RTEL1: variants seen among roughly 807,000 people sequenced by gnomAD.
RTEL1 encodes the protein regulator of telomere length.
A neutral mutation model predicts 162.2 loss-of-function variants in RTEL1; 86 were observed. The observed-to-expected ratio is 0.53, with a 90% CI of 0.45 to 0.63. RTEL1 has a LOEUF of 0.63. Among genes scored for constraint, RTEL1 ranks in the 30% least tolerant of loss-of-function variants. The probability of loss-of-function intolerance (pLI) is 0.00; values close to 1 mark genes in which losing one functional copy is unlikely to be tolerated. For synonymous variants in RTEL1, 958 were observed against 717.9 expected (o/e 1.33, Z -5.35); for missense variants, 1,941 against 1,750.2 (o/e 1.11, Z -1.95).
At chr20:63,688,767 T>C in intron 21 of RTEL1, 162 bp downstream of exon 21, 1 of 677,130 alleles carries the variant, frequency 1.5e-6, no homozygotes, top group Non-Finnish European at 2.5e-6. Flanking sequence ...GTGTTGCCTC[T>C]TATCTTACAA....
rs1163126215 is a variant in RTEL1, at chr20:63,690,702, A to T, written c.2414-103A>T. 4 of 1,328,364 alleles carry T rather than the reference A, an allele frequency of 3.0e-6. No homozygotes were observed. In the East Asian group the frequency reaches 1.0e-4, roughly 34 times the overall value. 82.3% of individuals were successfully genotyped at this position (1,328,364 alleles called of 1,614,324 possible). A position where few individuals can be genotyped will look rare whatever the true frequency, so the allele number is the denominator to read the frequency against. Reference sequence around the variant, plus strand: ...AGCAGGGAGGACACCCACAGGCAGGACCCCAAGTGCTGGGACTCTCCCCCA... The same window carrying T: ...AGCAGGGAGGACACCCACAGGCAGGTCCCCAAGTGCTGGGACTCTCCCCCA... On this transcript the variant is annotated intron_variant, in intron 26 of 34. Coordinates refer to ENST00000360203, the MANE Select transcript of RTEL1 (RefSeq NM_001283009.2).
At chr20:63,684,026 G>A (rs529514132) in intron 14 of RTEL1, among the ~76,000 whole-genome samples, 13 of 121,118 alleles carry the variant, frequency 1.1e-4, no homozygotes, top group Non-Finnish European at 2.1e-4. Context: ...TTCATGACAG[G>A]TTTGGTGAAC....
chr20:63,673,918 T>C, intron 9 of RTEL1, 22 bp from the exon 10 acceptor site: 1 of 1,598,420 alleles, frequency 6.3e-7, no homozygotes, highest in African/African-American at 1.3e-5. Flanking sequence ...TCTGTGGTGA[T>C]TCGGGTGTGC....
chr20:63,688,484 C>A (rs1016536167), intron 20 of RTEL1, 44 bp from the exon 21 acceptor site: 3 of 1,605,324 alleles, frequency 1.9e-6, no homozygotes, highest in Non-Finnish European at 2.6e-6. Flanking sequence ...ATCGGATCGG[C>A]GGCGTGACCA....
intron 27 of RTEL1, among the ~76,000 whole-genome samples, chr20:63,691,248 C>G (rs1173013920): frequency 6.6e-6 from 1 of 152,216 alleles, no homozygotes; most frequent in Non-Finnish European, 1.5e-5. Flanking sequence ...TCGGGTGCCC[C>G]TGCCACTGGC....
At chr20:63,677,631 A>G (rs2090383675) in intron 10 of RTEL1, among the ~76,000 whole-genome samples, 3 of 152,178 alleles carry the variant, frequency 2.0e-5, no homozygotes, top group Admixed American at 1.3e-4. Context: ...ATAGATAAAT[A>G]AAGATAAAAC....
At chr20:63,659,977 G>A (rs2089985638) in intron 2 of RTEL1, among the ~76,000 whole-genome samples, 1 of 152,100 alleles carries the variant, frequency 6.6e-6, no homozygotes, top group East Asian at 1.9e-4. Context: ...TCACAAATAA[G>A]TTCAAGGGAA....
chr20:63,667,389 C>A (rs574187680), intron 7 of RTEL1, 80 bp from the exon 8 acceptor site: 1 of 1,126,296 alleles, frequency 8.9e-7, no homozygotes, highest in Admixed American at 1.7e-5. Flanking sequence ...GGGCTCCTTC[C>A]GGGTCAGAAG....
rs758337310 is a variant in RTEL1 at position 63,692,996 on chromosome 20, G to A, written c.2844G>A (p.Leu948=). The A allele has an allele frequency of 5.0e-6, 8 of 1,612,550 alleles. No individual in the cohort carries two copies. The highest frequency in any genetic ancestry group is 1.1e-5 in the South Asian group (1 of 91,086). Residue 948 remains leucine, a synonymous_variant, in exon 29 of 35, where the codon CTG becomes CTA. Coordinates refer to ENST00000360203, the MANE Select transcript of RTEL1 (RefSeq NM_001283009.2). ...LFAEDPKKHN[L]LQGFYQFVRP... is the part of the protein sequence containing the mutation. Reference sequence around the variant, plus strand: ...CTGAGGACCCCAAGAAGCACAACCTGCTCCAAGGTGCCCTGGCTTGCAGAG... The same window carrying A: ...CTGAGGACCCCAAGAAGCACAACCTACTCCAAGGTGCCCTGGCTTGCAGAG...
Position 63,680,573 on chromosome 20 carries a change from G to A in RTEL1, c.1136-91G>A, listed in dbSNP as rs989299358. 2.1e-5 allele frequency: 29 copies of A among 1,381,144 alleles called. 1 individual carries two copies. Among genetic ancestry groups the A allele is most frequent in the South Asian group, 2.0e-4 (17 of 83,720 alleles). The allele number at this position is 1,381,144 out of a possible 1,614,324, so 85.6% of individuals were successfully genotyped here. A position where few individuals can be genotyped will look rare whatever the true frequency, so the allele number is the denominator to read the frequency against. ...GGGCAGGAGATGGAGCTTGGCAGTC[G>A]GGCTGAGCGGGCTCATGCTGGAAGG... On this transcript the variant is annotated intron_variant, in intron 13 of 34. Coordinates refer to ENST00000360203, the MANE Select transcript of RTEL1 (RefSeq NM_001283009.2).
chr20:63,690,493 CGTG>C (rs761095134), intron 26 of RTEL1, 52 bp downstream of exon 26: 113 of 531,812 alleles, frequency 2.1e-4, no homozygotes, highest in Non-Finnish European at 3.4e-4. Context: ...GAGCGGGCGG[CGTG>C]GGGCGGGCAG....
chr20:63,679,911 A>G lies in RTEL1; in HGVS notation c.1100A>G (p.Asp367Gly), dbSNP rs1412076234. The change falls in exon 13 of 35, where the codon GAC (aspartate) becomes GGC (glycine). Residue 367 changes from aspartate (D) to glycine (G), a missense_variant. Asp to Gly is a moderately conservative substitution (Grantham distance 94, BLOSUM62 -1). Coordinates refer to ENST00000360203, the MANE Select transcript of RTEL1 (RefSeq NM_001283009.2). Reference protein sequence around the residue: ...ITFQTKGCILDSLDQIIQHLA... With the variant: ...ITFQTKGCILGSLDQIIQHLA... ...TTTCAGACCAAGGGCTGCATCCTGG[A>G]CTCGCTGGACCAGATCATCCAGCAC... 1 of 1,612,464 alleles carries G rather than the reference A, an allele frequency of 6.2e-7. No homozygotes were observed.
rs543569348 is a variant in RTEL1, at chr20:63,664,830, G to A, written c.539-1174G>A. 8.6e-4 allele frequency among the ~76,000 whole-genome samples: 131 copies of A among 152,328 alleles called. 1 individual carries two copies. Among genetic ancestry groups the A allele is most frequent in the Non-Finnish European group, 1.5e-3 (102 of 68,032 alleles). ...AGAGCTGGCACCCTTCCTGGCCTGCGTCCTGTGAGGACTCTGGTTGGGGAC... is the reference window on the plus strand; with the variant it reads ...AGAGCTGGCACCCTTCCTGGCCTGCATCCTGTGAGGACTCTGGTTGGGGAC... On this transcript the variant is annotated intron_variant, in intron 6 of 34. Transcript: ENST00000360203.
chr20:63,683,447 G>A (rs1380076139), intron 14 of RTEL1, among the ~76,000 whole-genome samples: 1 of 152,218 alleles, frequency 6.6e-6, no homozygotes, highest in African/African-American at 2.4e-5. Context: ...AGGAAGGAAG[G>A]AACGGAAGGA....
intron 12 of RTEL1, 67 bp from the exon 13 acceptor site, chr20:63,679,782 C>T (rs1601138305): frequency 8.0e-7 from 1 of 1,255,356 alleles, no homozygotes; most frequent in East Asian, 2.3e-5. Flanking sequence ...GCCTTCTTCT[C>T]CTCAGTTCCC....
At chr20:63,695,716 G>A (rs1258429099) in intron 34 of RTEL1, 62 bp from the exon 35 acceptor site, 14 of 1,603,684 alleles carry the variant, frequency 8.7e-6, no homozygotes, top group East Asian at 4.5e-5. Context: ...GGGGGAAAGG[G>A]CAGGCCCTTG....
intron 10 of RTEL1, among the ~76,000 whole-genome samples, chr20:63,676,808 G>A (rs1281119416): frequency 1.8e-4 from 28 of 152,166 alleles, no homozygotes; most frequent in African/African-American, 6.8e-4. Context: ...GGTGGTGCAT[G>A]CTTGTAATCC....
rs746677388 is a variant in RTEL1, at chr20:63,690,354, G to C, written c.2326G>C (p.Glu776Gln). 1 of 1,611,790 alleles carries C rather than the reference G, an allele frequency of 6.2e-7. No homozygotes were observed. The part of the protein sequence containing the change: ...PSVRGEDAVS[E>Q]AKSPGPFFST... ...TGTGCGTGGAGAAGATGCTGTCAGC[G>C]AGGCCAAGTCGCCTGGCCCCTTCTT... The change falls in exon 26 of 35, where the codon GAG becomes CAG. Residue 776 changes from glutamate to glutamine, a missense_variant. Coordinates refer to ENST00000360203, the MANE Select transcript of RTEL1 (RefSeq NM_001283009.2).
At chr20:63,684,177 T>C (rs1179080502) in intron 14 of RTEL1, among the ~76,000 whole-genome samples, 2 of 152,040 alleles carry the variant, frequency 1.3e-5, no homozygotes, top group Non-Finnish European at 2.9e-5. Context: ...ACGTCACCTG[T>C]GGGGGTGTGA....
Sources: allele counts gnomAD v4.1 joint callset (sites outside exome capture counted in the v4.1 genomes callset), GRCh38; gene constraint gnomAD v4.1.1; transcripts MANE v1.5; gene names NCBI Gene and HGNC (gene_info 2026-07-23, HGNC 2026-07-21).